Variants in AVEN observed in about 807,000 individuals in gnomAD.
AVEN encodes cell death regulator Aven.
AVEN carries 41 observed loss-of-function variants against 38.1 expected under a neutral mutation model. That is an observed-to-expected ratio of 1.08 (90% confidence interval 0.84 to 1.40). The LOEUF (loss-of-function observed/expected upper bound fraction) is 1.40, where lower values mean the gene tolerates loss of function less well. Ranked by LOEUF, AVEN falls within the 40% of genes most tolerant of loss-of-function variation. The pLI, the probability that AVEN is intolerant of heterozygous loss-of-function variation, is 0.00. For missense variants in AVEN, 605 were observed against 438.8 expected (o/e 1.38, Z -3.38); for synonymous variants, 206 against 171.8 (o/e 1.20, Z -1.56).
intron 2 of AVEN, among the ~76,000 whole-genome samples, chr15:33,990,529 G>A (rs1446432699): frequency 3.3e-5 from 5 of 152,180 alleles, no homozygotes; most frequent in Non-Finnish European, 7.3e-5. Flanking sequence ...ATTCACTAAC[G>A]TTCTCTCATT....
intron 2 of AVEN, among the ~76,000 whole-genome samples, chr15:33,931,740 C>G (rs1007292242): frequency 3.3e-5 from 5 of 152,036 alleles, no homozygotes; most frequent in African/African-American, 1.2e-4. Context: ...TCTTATTTTA[C>G]TTTTTTTAAA....
At chr15:33,852,918 A>C in the AVEN span, 1 of 774,820 alleles carries the variant, frequency 1.3e-6, no homozygotes. Context: ...CAGATCTTAA[A>C]ATTCTTTGGT....
At chr15:33,909,820 C>A (rs1007158037) in intron 2 of AVEN, among the ~76,000 whole-genome samples, 1 of 151,972 alleles carries the variant, frequency 6.6e-6, no homozygotes, top group Non-Finnish European at 1.5e-5. Flanking sequence ...TATGTAGCAC[C>A]TTTTTTAAGC....
intron 2 of AVEN, among the ~76,000 whole-genome samples, chr15:33,926,553 A>G (rs1010135695): frequency 4.6e-5 from 7 of 152,208 alleles, no homozygotes; most frequent in African/African-American, 1.7e-4. Context: ...GCTCATGCCT[A>G]TAATCCCAGC....
intron 2 of AVEN, among the ~76,000 whole-genome samples, chr15:33,981,788 A>G (rs751154737): frequency 1.3e-5 from 2 of 152,180 alleles, no homozygotes; most frequent in Non-Finnish European, 2.9e-5. Context: ...ATTTAAACAA[A>G]ATGTATACAA....
Position 33,981,401 on chromosome 15 carries a change from C to T in AVEN, c.445+21631G>A, listed in dbSNP as rs1896136928. Reference sequence around the variant, plus strand: ...AGTAGCAAGCATAAGAGTATTGCTCCCATTGTCATGACCAGATCAAAAGGC... The same window carrying T: ...AGTAGCAAGCATAAGAGTATTGCTCTCATTGTCATGACCAGATCAAAAGGC... On this transcript the variant is annotated intron_variant, in intron 2 of 5. Coordinates refer to ENST00000306730, the MANE Select transcript of AVEN (RefSeq NM_020371.3). 2.7e-5 allele frequency among the ~76,000 whole-genome samples: 4 copies of T among 150,534 alleles called. No homozygotes were observed. The South Asian group carries it at 8.5e-4, about 32-fold the overall frequency.
intron 5 of AVEN, among the ~76,000 whole-genome samples, chr15:34,060,743 G>A (rs1235271266): frequency 6.6e-6 from 1 of 152,164 alleles, no homozygotes; most frequent in Non-Finnish European, 1.5e-5. Context: ...CAGGCTTGGT[G>A]GCTGTAATCC....
At chr15:34,000,109 C>G (rs188692124) in intron 2 of AVEN, among the ~76,000 whole-genome samples, 1 of 152,280 alleles carries the variant, frequency 6.6e-6, no homozygotes, top group Admixed American at 6.5e-5. Context: ...CTCACTTGCT[C>G]CCTCACCCTC....
chr15:33,941,936 C>T (rs1894333225), intron 2 of AVEN, among the ~76,000 whole-genome samples: 1 of 152,034 alleles, frequency 6.6e-6, no homozygotes, highest in Non-Finnish European at 1.5e-5. Context: ...ATGTCAACAA[C>T]AAAGAAAATA....
intron 2 of AVEN, among the ~76,000 whole-genome samples, chr15:33,904,185 CAA>C (rs964620880): frequency 1.3e-5 from 2 of 152,090 alleles, no homozygotes; most frequent in African/African-American, 4.8e-5. Flanking sequence ...TTTGGGAGGC[CAA>C]GACAGGAGTA....
chr15:34,010,231 A>C (rs1021998790), intron 1 of AVEN, among the ~76,000 whole-genome samples: 2 of 152,202 alleles, frequency 1.3e-5, no homozygotes, highest in African/African-American at 4.8e-5. Flanking sequence ...AATAATTTAC[A>C]TTAATTTATA....
chr15:34,003,798 A>C (rs370084898), intron 1 of AVEN, among the ~76,000 whole-genome samples: 85 of 152,320 alleles, frequency 5.6e-4, no homozygotes, highest in African/African-American at 1.9e-3. Context: ...GAATAATGAA[A>C]ACCATTCCAC....
At chr15:33,950,806 A>G (rs1384029849) in intron 2 of AVEN, among the ~76,000 whole-genome samples, 2 of 152,214 alleles carry the variant, frequency 1.3e-5, no homozygotes, top group African/African-American at 4.8e-5. Context: ...AGCAGTTCAA[A>G]GCCAGCCTGG....
At chr15:33,969,568 C>T (rs906734679) in intron 2 of AVEN, among the ~76,000 whole-genome samples, 2 of 151,790 alleles carry the variant, frequency 1.3e-5, no homozygotes, top group Non-Finnish European at 1.5e-5. Flanking sequence ...TATTTTTATT[C>T]ATATAAAGGA....
At chr15:33,931,577 A>G (rs1031147726) in intron 2 of AVEN, among the ~76,000 whole-genome samples, 4 of 151,834 alleles carry the variant, frequency 2.6e-5, no homozygotes, top group Admixed American at 2.0e-4. Flanking sequence ...TCACTGTGTT[A>G]GCCAGGATGG....
chr15:33,932,521 C>G (rs939544051), intron 2 of AVEN, among the ~76,000 whole-genome samples: 1 of 152,108 alleles, frequency 6.6e-6, no homozygotes, highest in Admixed American at 6.5e-5. Context: ...CTTAAGCCAG[C>G]GTTACTTTTA....
chr15:33,971,662 A>AAC (rs1479205128), intron 2 of AVEN, among the ~76,000 whole-genome samples: 1 of 152,092 alleles, frequency 6.6e-6, no homozygotes, highest in Non-Finnish European at 1.5e-5. Context: ...AAATGCATTA[A>AAC]ATATATATTT....
At chr15:33,931,978 T>C (rs984390262) in intron 2 of AVEN, among the ~76,000 whole-genome samples, 8 of 152,188 alleles carry the variant, frequency 5.3e-5, no homozygotes, top group Non-Finnish European at 7.3e-5. Flanking sequence ...TAAGATGAGC[T>C]TGATCTCCAG....
At chr15:33,853,709 C>T in the AVEN span, 1 of 1,606,062 alleles carries the variant, frequency 6.2e-7, no homozygotes, top group Non-Finnish European at 8.5e-7. Flanking sequence ...AGTTCAAATC[C>T]AAAGCAGCTA....
Sources: gnomAD v4.1 joint callset for allele counts (sites outside exome capture counted in the v4.1 genomes callset) on GRCh38, gnomAD v4.1.1 for gene constraint, MANE v1.5 for transcripts, NCBI Gene and HGNC (gene_info 2026-07-23, HGNC 2026-07-21) for gene names.